The following SYNGR1 variants were observed in gnomAD, a reference collection of about 807,000 sequenced individuals.
The protein encoded by SYNGR1 is synaptogyrin-1.
A neutral mutation model predicts 26.1 loss-of-function variants in SYNGR1; 14 were observed. That is an observed-to-expected ratio of 0.54 (90% CI 0.35 to 0.84). SYNGR1 has a LOEUF of 0.84. Among genes scored for constraint, SYNGR1 ranks in the 40% least tolerant of loss-of-function variants. The pLI is 0.01. For synonymous variants in SYNGR1, 141 were observed against 150.1 expected (o/e 0.94, Z 0.44); for missense variants, 319 against 332.9 (o/e 0.96, Z 0.33).
intron 1 of SYNGR1, among the ~76,000 whole-genome samples, chr22:39,353,517 C>T (rs1419409739): frequency 1.3e-5 from 2 of 152,226 alleles, no homozygotes; most frequent in African/African-American, 2.4e-5. Context: ...TTTCTCACCT[C>T]TTGGTGTCAT....
chr22:39,349,995 C>A lies in SYNGR1; in HGVS notation c.-16C>A. On this transcript the variant is annotated 5_prime_UTR_variant, in exon 1 of 4. Coordinates refer to ENST00000328933, the MANE Select transcript of SYNGR1 (RefSeq NM_004711.5). ...GGCGCGCGCCGAGCGGGGGGCACCG[C>A]GCGGGTGCAGCCACGATGGAAGGGG... The A allele has an allele frequency of 8.4e-7, 1 of 1,184,836 alleles. No individual in the cohort carries two copies. Among genetic ancestry groups the A allele is most frequent in the Non-Finnish European group, 1.1e-6 (1 of 938,084 alleles). The allele number at this position is 1,184,836 out of a possible 1,614,324, so 73.4% of individuals were successfully genotyped here. A position where few individuals can be genotyped will look rare whatever the true frequency, so the allele number is the denominator to read the frequency against.
intron 1 of SYNGR1, among the ~76,000 whole-genome samples, chr22:39,363,807 G>C (rs1296206182): frequency 6.6e-6 from 1 of 152,122 alleles, no homozygotes; most frequent in Non-Finnish European, 1.5e-5. Context: ...CAGGGACCAG[G>C]GCTCCCCCGA....
At chr22:39,358,059 C>T (rs562975000) in intron 1 of SYNGR1, among the ~76,000 whole-genome samples, 1 of 152,268 alleles carries the variant, frequency 6.6e-6, no homozygotes, top group Admixed American at 6.5e-5. Context: ...GCCAGCTGGG[C>T]TCCTGAGTCT....
chr22:39,358,063 T>G (rs1168361715), intron 1 of SYNGR1, among the ~76,000 whole-genome samples: 1 of 150,928 alleles, frequency 6.6e-6, no homozygotes, highest in South Asian at 2.1e-4. Flanking sequence ...GCTGGGCTCC[T>G]GAGTCTGGTG....
chr22:39,354,700 G>A (rs1344527287), intron 1 of SYNGR1, among the ~76,000 whole-genome samples: 4 of 152,142 alleles, frequency 2.6e-5, no homozygotes, highest in African/African-American at 9.7e-5. Context: ...TTAGCTGAGC[G>A]TGGTGGCGGT....
chr22:39,350,785 T>C lies in SYNGR1; in HGVS notation c.99+676T>C, dbSNP rs958302013. On this transcript the variant is annotated intron_variant, in intron 1 of 3. Coordinates refer to ENST00000328933, the MANE Select transcript of SYNGR1 (RefSeq NM_004711.5). This position sits in a 1 kb window ranked among gnomAD's most constrained non-coding sequence, Gnocchi z 4.3. ...TCTCATGCCTCAGTTTCCCAATTTATAGACAAGGTGGGCGGAGCCTTCTTG... is the reference window on the plus strand; with the variant it reads ...TCTCATGCCTCAGTTTCCCAATTTACAGACAAGGTGGGCGGAGCCTTCTTG... 2.7e-4 allele frequency among the ~76,000 whole-genome samples: 41 copies of C among 152,134 alleles called. No homozygotes were observed. The highest frequency in any genetic ancestry group is 9.4e-4 in the African/African-American group (39 of 41,422).
intron 3 of SYNGR1, 68 bp downstream of exon 3, chr22:39,376,265 C>T (rs892902152): frequency 2.4e-5 from 38 of 1,610,990 alleles, no homozygotes; most frequent in South Asian, 2.2e-4. Flanking sequence ...GGATGGGTGG[C>T]CTTTCGCTAG....
In SYNGR1 at chr22:39,373,612, C is replaced by T. The variant is rs541883035; in HGVS notation, c.100-704C>T. 3.3e-5 allele frequency among the ~76,000 whole-genome samples: 5 copies of T among 152,048 alleles called. No homozygotes were observed. In the South Asian group the frequency reaches 1.0e-3, roughly 32 times the overall value. ...ATCCTCCCCCTCATCTTCCCTGGTACCTGAGACTACAGGCACGCACCACCA... is the reference window on the plus strand; with the variant it reads ...ATCCTCCCCCTCATCTTCCCTGGTATCTGAGACTACAGGCACGCACCACCA... On this transcript the variant is annotated intron_variant, in intron 1 of 3. Transcript: ENST00000328933.
At chr22:39,354,778 G>A (rs1793326136) in intron 1 of SYNGR1, among the ~76,000 whole-genome samples, 1 of 151,324 alleles carries the variant, frequency 6.6e-6, no homozygotes, top group Non-Finnish European at 1.5e-5. Context: ...GGCGGAGGTT[G>A]CAGTTAGCTG....
At chr22:39,358,034 G>A (rs929662844) in intron 1 of SYNGR1, among the ~76,000 whole-genome samples, 3 of 152,282 alleles carry the variant, frequency 2.0e-5, no homozygotes, top group African/African-American at 4.8e-5. Flanking sequence ...CCCGGTGCGG[G>A]ATCCACTAGG....
intron 1 of SYNGR1, among the ~76,000 whole-genome samples, chr22:39,353,160 C>T (rs1030559422): frequency 3.3e-5 from 5 of 152,136 alleles, no homozygotes; most frequent in Admixed American, 6.6e-5. Context: ...CCGCACCCGG[C>T]CTGGACCTGG....
intron 1 of SYNGR1, among the ~76,000 whole-genome samples, chr22:39,357,599 TGGGCGTGGGCTTGGCGGGCCCCGCCCTC>T (rs1924206969): frequency 6.7e-6 from 1 of 149,446 alleles, no homozygotes; most frequent in South Asian, 2.1e-4. Context: ...GAGTTCCGGG[TGGGCGTGGGCTTGGCGGGCCCCGCCCTC>T]GGAGCAGCCG....
chr22:39,380,204 G>A (rs570919730), intron 3 of SYNGR1, among the ~76,000 whole-genome samples: 1 of 151,290 alleles, frequency 6.6e-6, no homozygotes, highest in African/African-American at 2.4e-5. Flanking sequence ...GCTAGGCGCG[G>A]TCACATTGAA....
intron 1 of SYNGR1, among the ~76,000 whole-genome samples, chr22:39,352,883 A>G (rs1923973857): frequency 6.6e-6 from 1 of 152,060 alleles, no homozygotes; most frequent in East Asian, 1.9e-4. Context: ...TTTTTTTGAG[A>G]TGGAGTCTTG....
In SYNGR1 at chr22:39,384,655, C is replaced by A. The variant is rs2145638130; in HGVS notation, c.*2741C>A. 1 of 399,118 alleles carries A rather than the reference C, an allele frequency of 2.5e-6. No individual in the cohort carries two copies. Among genetic ancestry groups the A allele is most frequent in the South Asian group, 1.3e-4 (1 of 7,862 alleles). The allele number at this position is 399,118 out of a possible 1,614,324, so 24.7% of individuals were successfully genotyped here. On this transcript the variant is annotated 3_prime_UTR_variant, in exon 4 of 4. Transcript: ENST00000328933. ...CCCAACTCTGTCCGGTATCCCTTTT[C>A]CTCCCAGCTGCCCTCCCCTACTTCT...
At chr22:39,361,956 G>A (rs185248599) in intron 1 of SYNGR1, among the ~76,000 whole-genome samples, 132 of 151,958 alleles carry the variant, frequency 8.7e-4, no homozygotes, top group African/African-American at 3.0e-3. Flanking sequence ...GCCACTGAGA[G>A]TAAGGCCCTG....
rs962366370 is a variant in SYNGR1, at chr22:39,350,170, G to A, written c.99+61G>A. The A allele has an allele frequency of 3.9e-4, 472 of 1,223,072 alleles. No individual in the cohort carries two copies. The highest frequency in any genetic ancestry group is 4.0e-4 in the Non-Finnish European group (378 of 951,074). 75.8% of individuals were successfully genotyped at this position (1,223,072 alleles called of 1,614,324 possible). ...GGGTGGTGGGGGTGTGAGCAAAGGCGGCGCGCCCGGACCGACCCCGACCCC... is the reference window on the plus strand; with the variant it reads ...GGGTGGTGGGGGTGTGAGCAAAGGCAGCGCGCCCGGACCGACCCCGACCCC... On this transcript the variant is annotated intron_variant, in intron 1 of 3. Coordinates refer to ENST00000328933, the MANE Select transcript of SYNGR1 (RefSeq NM_004711.5). This position sits in a 1 kb window ranked among gnomAD's most constrained non-coding sequence, Gnocchi z 4.3.
chr22:39,368,442 C>T (rs926465663), intron 1 of SYNGR1, among the ~76,000 whole-genome samples: 5 of 152,338 alleles, frequency 3.3e-5, no homozygotes, highest in African/African-American at 9.6e-5. Context: ...GGTGCCCCTC[C>T]CAGCGCAGTG....
At chr22:39,379,764 T>C (rs1292429012) in intron 3 of SYNGR1, 1 of 152,228 alleles carries the variant, frequency 6.6e-6, no homozygotes, top group African/African-American at 2.4e-5. Context: ...GTTGACTTAG[T>C]GCCTCGTCAG....
Sources: gnomAD v4.1 joint callset for allele counts (sites outside exome capture counted in the v4.1 genomes callset) on GRCh38, gnomAD v4.1.1 for gene constraint, Gnocchi (gnomAD v3.1) non-coding constraint, MANE v1.5 for transcripts, NCBI Gene and HGNC (gene_info 2026-07-23, HGNC 2026-07-21) for gene names.